Variants in MPP7 observed in about 807,000 individuals in gnomAD.
MPP7 encodes the protein MAGUK p55 scaffold protein 7.
Under a neutral mutation model 76.5 loss-of-function variants are expected in MPP7, and 60 were observed. That is an observed-to-expected ratio of 0.78 (90% CI 0.64 to 0.97). The LOEUF (loss-of-function observed/expected upper bound fraction) is 0.97, where lower values mean the gene tolerates loss of function less well. MPP7 is among the 50% of genes least tolerant of loss of function. The pLI, the probability that MPP7 is intolerant of heterozygous loss-of-function variation, is 0.00. For synonymous variants in MPP7, 237 were observed against 244.5 expected (o/e 0.97, Z 0.29); for missense variants, 641 against 694.0 (o/e 0.92, Z 0.86).
At chr10:28,185,457 G>C (rs956758260) in intron 3 of MPP7, among the ~76,000 whole-genome samples, 2 of 152,000 alleles carry the variant, frequency 1.3e-5, no homozygotes, top group Non-Finnish European at 2.9e-5. Flanking sequence ...CAACACAAAA[G>C]GGTGAATAGA....
chr10:28,217,537 AAAAAG>A (rs3064105), intron 2 of MPP7, among the ~76,000 whole-genome samples: 2,869 of 137,958 alleles, frequency 0.021, 54 homozygotes, highest in East Asian at 0.064. Flanking sequence ...AAAAAAAAAA[AAAAAG>A]AAAAGAAAAG....
chr10:28,079,507 C>T (rs1489876767), intron 12 of MPP7, among the ~76,000 whole-genome samples: 1 of 151,842 alleles, frequency 6.6e-6, no homozygotes, highest in Admixed American at 6.6e-5. Context: ...CAAAAACAAA[C>T]AAAAAATAAA....
chr10:28,068,710 TATTATA>T (rs1387696567), intron 13 of MPP7, among the ~76,000 whole-genome samples: 1 of 152,240 alleles, frequency 6.6e-6, no homozygotes, highest in East Asian at 1.9e-4. Context: ...GAAAGGTTTA[TATTATA>T]ATTAAGTCTC....
rs182007583 is a variant in MPP7 at position 28,318,278 on chromosome 10, C to T, written c.-132+11651G>A. Among the ~76,000 whole-genome samples, 313 of 152,238 alleles carry T rather than the reference C, an allele frequency of 2.1e-3. 1 individual carries two copies. Among genetic ancestry groups the T allele is most frequent in the Non-Finnish European group, 2.8e-3 (190 of 68,016 alleles). ...GGGATGTTATGATCATTAAATGAGA[C>T]GACACTTCAAAGCACTGAGCACAGT... On this transcript the variant is annotated intron_variant, in intron 2 of 11. Coordinates refer to the MPP7 transcript ENST00000441595.
At chr10:28,091,876 G>A (rs886913683) in intron 11 of MPP7, among the ~76,000 whole-genome samples, 2 of 152,088 alleles carry the variant, frequency 1.3e-5, no homozygotes, top group Non-Finnish European at 2.9e-5. Context: ...AAGTAATCTG[G>A]AGATGATTTA....
chr10:28,090,722 A>G (rs965129943), intron 11 of MPP7, among the ~76,000 whole-genome samples: 2 of 152,236 alleles, frequency 1.3e-5, no homozygotes, highest in African/African-American at 4.8e-5. Context: ...TCACCCAGTC[A>G]ACAATTAGTT....
chr10:28,228,784 G>C (rs959233299), intron 2 of MPP7, among the ~76,000 whole-genome samples: 4 of 151,336 alleles, frequency 2.6e-5, no homozygotes, highest in African/African-American at 9.7e-5. Context: ...AAAAAGAAAA[G>C]AAAAAAAACT....
At chr10:28,251,145 A>AT (rs1418921357) in intron 1 of MPP7, among the ~76,000 whole-genome samples, 1 of 152,204 alleles carries the variant, frequency 6.6e-6, no homozygotes, top group Non-Finnish European at 1.5e-5. Flanking sequence ...CATATTTTTG[A>AT]TTTAAGAAAG....
chr10:28,199,215 C>A (rs928058473), intron 3 of MPP7, among the ~76,000 whole-genome samples: 3 of 152,094 alleles, frequency 2.0e-5, no homozygotes, highest in Non-Finnish European at 4.4e-5. Flanking sequence ...GTCCTTCCCA[C>A]AACACATATG....
chr10:28,134,227 G>C (rs781319377), intron 5 of MPP7, among the ~76,000 whole-genome samples: 1 of 151,880 alleles, frequency 6.6e-6, no homozygotes, highest in Non-Finnish European at 1.5e-5. Flanking sequence ...AGTGTATAGC[G>C]GTATCTCCTG....
At chr10:28,215,321 C>T (rs528288228) in intron 2 of MPP7, among the ~76,000 whole-genome samples, 1 of 150,904 alleles carries the variant, frequency 6.6e-6, no homozygotes, top group East Asian at 2.0e-4. Flanking sequence ...ACCCATTGGG[C>T]GGTTACAAAG....
chr10:28,075,355 C>G (rs1852435900), intron 12 of MPP7, among the ~76,000 whole-genome samples: 1 of 152,060 alleles, frequency 6.6e-6, no homozygotes, highest in African/African-American at 2.4e-5. Flanking sequence ...ACACCTGAAC[C>G]ACAGAGTGCA....
chr10:28,138,401 T>A (rs535215775), intron 5 of MPP7, among the ~76,000 whole-genome samples: 1 of 152,352 alleles, frequency 6.6e-6, no homozygotes, highest in South Asian at 2.1e-4. Flanking sequence ...CTGCAGGAAG[T>A]ATTCACATTC....
chr10:28,257,969 A>T (rs1839838995), intron 1 of MPP7, among the ~76,000 whole-genome samples: 1 of 152,114 alleles, frequency 6.6e-6, no homozygotes, highest in Admixed American at 6.5e-5. Context: ...AAATATAATC[A>T]TTTCTAGGTA....
At chr10:28,226,156 A>G (rs1471188878) in intron 2 of MPP7, among the ~76,000 whole-genome samples, 1 of 152,232 alleles carries the variant, frequency 6.6e-6, no homozygotes, top group Non-Finnish European at 1.5e-5. Context: ...CAAATACTCT[A>G]TGATTCCACT....
chr10:28,090,100 A>G (rs1299749708), intron 11 of MPP7, among the ~76,000 whole-genome samples: 1 of 152,082 alleles, frequency 6.6e-6, no homozygotes, highest in African/African-American at 2.4e-5. Context: ...AGGTGGGATT[A>G]CAGGCACACA....
At chr10:28,112,567 A>G (rs1037766260) in intron 11 of MPP7, among the ~76,000 whole-genome samples, 1 of 152,226 alleles carries the variant, frequency 6.6e-6, no homozygotes, top group African/African-American at 2.4e-5. Flanking sequence ...AGAAAATGAT[A>G]TTTTTATATC....
At position 28,075,419 on chromosome 10, in the gene MPP7, G is replaced by A. The variant is rs149584855; in HGVS notation, c.1124-5567C>T. ...CTCCACCATCCTGGTTTATGGCCCCGAAACTTCTCACCAGCACCTCCCACT... is the reference window on the plus strand; with the variant it reads ...CTCCACCATCCTGGTTTATGGCCCCAAAACTTCTCACCAGCACCTCCCACT... On this transcript the variant is annotated intron_variant, in intron 12 of 16. Coordinates refer to ENST00000683449, the MANE Select transcript of MPP7 (RefSeq NM_001318170.2). 6.4e-3 allele frequency among the ~76,000 whole-genome samples: 973 copies of A among 152,062 alleles called. 5 individuals are homozygous for A. The highest frequency in any genetic ancestry group is 9.6e-3 in the Non-Finnish European group (656 of 67,988).
chr10:28,216,014 A>C (rs1308117194), intron 2 of MPP7, among the ~76,000 whole-genome samples: 3 of 152,250 alleles, frequency 2.0e-5, no homozygotes, highest in African/African-American at 7.2e-5. Context: ...GACCCCATGT[A>C]TTGGGTAGAG....
Sources: allele counts gnomAD v4.1 joint callset (sites outside exome capture counted in the v4.1 genomes callset), GRCh38; gene constraint gnomAD v4.1.1; transcripts MANE v1.5; gene names NCBI Gene and HGNC (gene_info 2026-07-23, HGNC 2026-07-21).